PDE2A: variants seen among roughly 807,000 people sequenced by gnomAD.
PDE2A encodes phosphodiesterase 2A, also known as cGMP-dependent 3',5'-cyclic phosphodiesterase.
PDE2A carries 53 observed loss-of-function variants against 133.6 expected under a neutral mutation model. That is an observed-to-expected ratio of 0.40 (90% CI 0.32 to 0.50). The LOEUF (loss-of-function observed/expected upper bound fraction) is 0.50, where lower values mean the gene tolerates loss of function less well. Among genes scored for constraint, PDE2A ranks in the 20% least tolerant of loss-of-function variants. The probability of loss-of-function intolerance (pLI) is 0.73; values close to 1 mark genes in which losing one functional copy is unlikely to be tolerated. For synonymous variants in PDE2A, 491 were observed against 490.2 expected, an observed-to-expected ratio of 1.00 and a Z score of -0.02; for missense variants, 796 against 1,232.4, an observed-to-expected ratio of 0.65 and a Z score of 5.30.
At chr11:72,619,003 C>G (rs1857614528) in intron 2 of PDE2A, among the ~76,000 whole-genome samples, 1 of 152,194 alleles carries the variant, frequency 6.6e-6, no homozygotes, top group Non-Finnish European at 1.5e-5. Flanking sequence ...ACTTTCCTTC[C>G]TCACATCCCG....
chr11:72,649,447 T>A (rs1854661609), intron 1 of PDE2A: 1 of 152,198 alleles, frequency 6.6e-6, no homozygotes, highest in Admixed American at 6.5e-5. Flanking sequence ...CAGCTGCACA[T>A]GTCCGTGTTC....
intron 1 of PDE2A, among the ~76,000 whole-genome samples, chr11:72,657,552 T>A (rs1854932833): frequency 1.3e-5 from 2 of 152,232 alleles, no homozygotes; most frequent in South Asian, 4.1e-4. Flanking sequence ...CAAAGGGGTC[T>A]CTGGCCTCTG....
intron 2 of PDE2A, among the ~76,000 whole-genome samples, chr11:72,611,618 G>A (rs186216519): frequency 2.6e-5 from 4 of 152,318 alleles, no homozygotes; most frequent in African/African-American, 9.6e-5. Flanking sequence ...TGGGGCAGCA[G>A]CAGGGAAGGG....
intron 6 of PDE2A, among the ~76,000 whole-genome samples, chr11:72,593,292 T>G (rs546208819): frequency 6.6e-6 from 1 of 151,876 alleles, no homozygotes; most frequent in East Asian, 1.9e-4. Flanking sequence ...ACACAGGAAA[T>G]AGTTCACTTA....
At chr11:72,577,654 A>C (rs1348388973) in intron 30 of PDE2A, 60 bp from the exon 31 acceptor site, 1 of 1,207,132 alleles carries the variant, frequency 8.3e-7, no homozygotes, top group East Asian at 2.3e-5. Context: ...GGCAGCAAGA[A>C]AGACTAGGGC....
At chr11:72,636,121 C>A in intron 2 of PDE2A, 1 of 1,220,978 alleles carries the variant, frequency 8.2e-7, no homozygotes, top group Non-Finnish European at 1.1e-6. Context: ...CTGAAGCCAC[C>A]AGCCAGAGTA....
At chr11:72,584,131 G>A in intron 19 of PDE2A, 70 bp downstream of exon 19, 1 of 796,202 alleles carries the variant, frequency 1.3e-6, no homozygotes, top group South Asian at 1.6e-5. Context: ...AGTCGGAGGA[G>A]GAGAACCGAG....
intron 1 of PDE2A, among the ~76,000 whole-genome samples, chr11:72,659,038 T>C (rs185637982): frequency 2.6e-5 from 4 of 152,106 alleles, no homozygotes; most frequent in Admixed American, 2.6e-4. Flanking sequence ...TCAATCCTTA[T>C]AATATGCATG....
chr11:72,607,894 C>A (rs191186518), intron 3 of PDE2A, among the ~76,000 whole-genome samples: 501 of 152,308 alleles, frequency 3.3e-3, no homozygotes, highest in Non-Finnish European at 5.9e-3. Flanking sequence ...ACTCCCTTCT[C>A]CAGGCTTCAA....
chr11:72,590,519 C>T lies in PDE2A; in HGVS notation c.611G>A (p.Arg204Gln). ...LQQRGPREAP[R>Q]AVQNPPEGTA... ...CCCCTCCGGGGGGTTCTGGACGGCT[C>T]GGGGAGCCTCCCTGGGCCCGCGCTG... Residue 204 changes from arginine (R) to glutamine (Q), a missense_variant, in exon 8 of 31, where the codon CGA (arginine) becomes CAA (glutamine). Arg to Gln is a conservative substitution (Grantham distance 43). Transcript: ENST00000334456. The surrounding 1 kb of genome is among the most constrained non-coding windows in gnomAD (Gnocchi z 4.8). 2.0e-6 allele frequency: 3 copies of T among 1,466,868 alleles called. No homozygotes were observed. Among genetic ancestry groups the T allele is most frequent in the South Asian group, 2.8e-5 (2 of 71,948 alleles). The allele number at this position is 1,466,868 out of a possible 1,614,324, so 90.9% of individuals were successfully genotyped here. A position where few individuals can be genotyped will look rare whatever the true frequency, so the allele number is the denominator to read the frequency against.
chr11:72,618,255 C>A (rs776639765), intron 2 of PDE2A, among the ~76,000 whole-genome samples: 7 of 152,238 alleles, frequency 4.6e-5, no homozygotes, highest in African/African-American at 1.7e-4. Flanking sequence ...CTCTTCGCAG[C>A]GCCCCAGTCT....
At position 72,598,495 on chromosome 11, in the gene PDE2A, G is replaced by A. The variant is rs568173514; in HGVS notation, c.324-876C>T. On this transcript the variant is annotated intron_variant, in intron 4 of 30. Coordinates refer to ENST00000334456, the MANE Select transcript of PDE2A (RefSeq NM_002599.5). ...TACCCCCCAGCCTCTGGCTCATCCC[G>A]CTTAATTAAGCACCTGAGTTTGCAC... 72 of 1,288,376 alleles carry A rather than the reference G, an allele frequency of 5.6e-5. 1 individual carries two copies. The highest frequency in any genetic ancestry group is 5.6e-4 in the South Asian group (45 of 81,002). 79.8% of individuals were successfully genotyped at this position (1,288,376 alleles called of 1,614,324 possible).
chr11:72,618,534 G>C (rs547348323), intron 2 of PDE2A, among the ~76,000 whole-genome samples: 3 of 152,202 alleles, frequency 2.0e-5, no homozygotes, highest in Admixed American at 6.5e-5. Flanking sequence ...GAGAGTTGGC[G>C]GAGACATGGC....
chr11:72,580,114 A>C (rs1855655104), intron 25 of PDE2A, among the ~76,000 whole-genome samples: 1 of 152,060 alleles, frequency 6.6e-6, no homozygotes, highest in African/African-American at 2.4e-5. Context: ...GGGGGTGTGC[A>C]AGCAGGGGCA....
At chr11:72,610,735 C>T (rs1387536504) in intron 2 of PDE2A, among the ~76,000 whole-genome samples, 1 of 152,146 alleles carries the variant, frequency 6.6e-6, no homozygotes, top group East Asian at 1.9e-4. Context: ...TTAGGCACTC[C>T]TCATCACAGC....
chr11:72,604,277 C>A (rs1856876184), intron 4 of PDE2A, among the ~76,000 whole-genome samples: 1 of 152,250 alleles, frequency 6.6e-6, no homozygotes, highest in Non-Finnish European at 1.5e-5. Flanking sequence ...TTCCCCTAAA[C>A]AGCCAGGAGT....
intron 1 of PDE2A, among the ~76,000 whole-genome samples, chr11:72,668,835 CAG>C (rs2135466411): frequency 6.6e-6 from 1 of 152,342 alleles, no homozygotes; most frequent in South Asian, 2.1e-4. Flanking sequence ...GTCCCTCCCA[CAG>C]AGCTTTGTGC....
rs1391610752 is a variant in PDE2A, at chr11:72,591,339, C to T, written c.507G>A (p.Leu169=). The change falls in exon 7 of 31, where the codon CTG becomes CTA. Residue 169 remains leucine (L), a synonymous_variant. Coordinates refer to ENST00000334456, the MANE Select transcript of PDE2A (RefSeq NM_002599.5). ...GCAGGCTCCATTCCTCATTATCACT[C>T]AGCTGGCCACAGTGCACCTGGAGGG... ...AAVILVHCGQ[L]SDNEEWSLQA... 2 of 1,613,924 alleles carry T rather than the reference C, an allele frequency of 1.2e-6. No individual in the cohort carries two copies. Among genetic ancestry groups the T allele is most frequent in the Admixed American group, 1.7e-5 (1 of 60,022 alleles).
intron 21 of PDE2A, 127 bp from the exon 22 acceptor site, chr11:72,582,074 C>A (rs986424684): frequency 2.7e-6 from 2 of 753,516 alleles, no homozygotes; most frequent in Non-Finnish European, 4.6e-6. Flanking sequence ...ACTAGAGAAC[C>A]ACAAAATAGT....
Sources: gnomAD v4.1 joint callset for allele counts (sites outside exome capture counted in the v4.1 genomes callset) on GRCh38, gnomAD v4.1.1 for gene constraint, Gnocchi (gnomAD v3.1) non-coding constraint, MANE v1.5 for transcripts, NCBI Gene and HGNC (gene_info 2026-07-23, HGNC 2026-07-21) for gene names.